Variants in AKAP19 observed in about 807,000 individuals in gnomAD.
The protein encoded by AKAP19 is A-kinase anchoring protein 19.
chr2:190,031,923 G>T, the AKAP19 span, among the ~76,000 whole-genome samples: 1 of 152,066 alleles, frequency 6.6e-6, no homozygotes. Flanking sequence ...TATAAAATTT[G>T]TAATTTTAAA....
the AKAP19 span, among the ~76,000 whole-genome samples, chr2:189,931,994 A>C: frequency 1.3e-5 from 2 of 152,310 alleles, no homozygotes; most frequent in Admixed American, 1.3e-4. Flanking sequence ...TCAAAGCAAA[A>C]GAAAAAAGTT....
the AKAP19 span, among the ~76,000 whole-genome samples, chr2:190,177,848 AG>A: frequency 6.6e-6 from 1 of 152,230 alleles, no homozygotes; most frequent in Non-Finnish European, 1.5e-5. This position sits in a 1 kb window ranked among gnomAD's most constrained non-coding sequence, Gnocchi z 4.6. Context: ...TCCTGTCAAC[AG>A]CATGGACCCT....
the AKAP19 span, among the ~76,000 whole-genome samples, chr2:190,123,071 C>G: frequency 6.6e-6 from 1 of 152,076 alleles, no homozygotes; most frequent in African/African-American, 2.4e-5. Flanking sequence ...CCCAGCCTCC[C>G]AAAGCACTGG....
the AKAP19 span, among the ~76,000 whole-genome samples, chr2:190,174,752 G>A: frequency 6.6e-6 from 1 of 152,146 alleles, no homozygotes; most frequent in African/African-American, 2.4e-5. Context: ...TTTTAACAAT[G>A]TCTTATACTC....
chr2:189,950,518 A>C, the AKAP19 span, among the ~76,000 whole-genome samples: 503 of 152,048 alleles, frequency 3.3e-3, 3 homozygotes, highest in Non-Finnish European at 5.5e-3. Flanking sequence ...CCTTTGCTGA[A>C]AGTAAGAGAG....
At chr2:190,159,993 C>A in the AKAP19 span, among the ~76,000 whole-genome samples, 1 of 152,168 alleles carries the variant, frequency 6.6e-6, no homozygotes, top group African/African-American at 2.4e-5. Flanking sequence ...CAAATACTTT[C>A]TTTTAGTATT....
the AKAP19 span, among the ~76,000 whole-genome samples, chr2:190,064,655 T>G: frequency 6.6e-6 from 1 of 152,138 alleles, no homozygotes; most frequent in Non-Finnish European, 1.5e-5. Context: ...GGCATTTGAG[T>G]GCTTGCTCTT....
At chr2:189,976,246 C>A in the AKAP19 span, among the ~76,000 whole-genome samples, 1 of 152,242 alleles carries the variant, frequency 6.6e-6, no homozygotes, top group Non-Finnish European at 1.5e-5. Context: ...AGGTCCACTC[C>A]AGACCCTGTT....
the AKAP19 span, among the ~76,000 whole-genome samples, chr2:190,163,310 T>C: frequency 6.6e-6 from 1 of 151,958 alleles, no homozygotes; most frequent in African/African-American, 2.4e-5. Context: ...GGCGGGCGCC[T>C]GTAGTCCCAG....
At chr2:189,998,488 G>A in the AKAP19 span, among the ~76,000 whole-genome samples, 2 of 152,014 alleles carry the variant, frequency 1.3e-5, no homozygotes, top group Non-Finnish European at 2.9e-5. Flanking sequence ...TTAATTTTTG[G>A]TAATTTGTAT....
chr2:190,084,118 A>T, the AKAP19 span, among the ~76,000 whole-genome samples: 1 of 143,006 alleles, frequency 7.0e-6, no homozygotes, highest in Non-Finnish European at 1.5e-5. Context: ...TCTGAGACAG[A>T]GTCTGGCTCT....
chr2:189,887,574 A>G, the AKAP19 span, among the ~76,000 whole-genome samples: 11 of 152,182 alleles, frequency 7.2e-5, no homozygotes, highest in African/African-American at 2.2e-4. Context: ...GAACTAATTT[A>G]CACTCCTGCC....
chr2:190,089,198 A>T, the AKAP19 span, among the ~76,000 whole-genome samples: 1 of 152,092 alleles, frequency 6.6e-6, no homozygotes, highest in Admixed American at 6.6e-5. Context: ...TGTACTCAGC[A>T]TGTCCATTTC....
chr2:190,111,796 T>C, the AKAP19 span, among the ~76,000 whole-genome samples: 5,166 of 152,280 alleles, frequency 0.034, 312 homozygotes, highest in African/African-American at 0.12. Context: ...ACACAAAACC[T>C]AAAAACAATT....
the AKAP19 span, among the ~76,000 whole-genome samples, chr2:190,129,628 G>A: frequency 2.0e-5 from 3 of 151,916 alleles, no homozygotes; most frequent in Admixed American, 6.6e-5. Context: ...TGTTGTTCTC[G>A]GTGGGTTGCA....
the AKAP19 span, chr2:190,189,747 T>C: frequency 6.6e-6 from 1 of 152,212 alleles, no homozygotes; most frequent in Non-Finnish European, 1.5e-5. Flanking sequence ...CAATTTCAAA[T>C]TGGTTTCTCA....
chr2:189,927,222 A>G, the AKAP19 span, among the ~76,000 whole-genome samples: 1 of 152,132 alleles, frequency 6.6e-6, no homozygotes, highest in South Asian at 2.1e-4. Flanking sequence ...TACCTTTGCT[A>G]CTTTAAATAT....
the AKAP19 span, among the ~76,000 whole-genome samples, chr2:190,007,016 T>A: frequency 1.3e-5 from 2 of 152,092 alleles, no homozygotes; most frequent in East Asian, 1.9e-4. Context: ...TGAGACTCCA[T>A]CTCAAAAGAA....
chr2:190,059,349 A>T, the AKAP19 span, among the ~76,000 whole-genome samples: 1 of 151,952 alleles, frequency 6.6e-6, no homozygotes, highest in Admixed American at 6.6e-5. Flanking sequence ...TTGGCCTGGT[A>T]CTAAATTAGT....
Sources: allele counts gnomAD v4.1 joint callset (sites outside exome capture counted in the v4.1 genomes callset), GRCh38; gene constraint gnomAD v4.1.1; non-coding constraint Gnocchi (gnomAD v3.1); transcripts MANE v1.5; gene names NCBI Gene and HGNC (gene_info 2026-07-23, HGNC 2026-07-21).